The following TTC1 variants were observed in gnomAD, a reference collection of about 807,000 sequenced individuals.
The protein encoded by TTC1 is tetratricopeptide repeat protein 1.
TTC1 carries 31 observed loss-of-function variants against 37.6 expected under a neutral mutation model. The ratio of observed to expected loss-of-function variants is 0.82; its 90% CI spans 0.62 to 1.11. TTC1 has a LOEUF of 1.11. Ranked by LOEUF, TTC1 falls within the 50% of genes most tolerant of loss-of-function variation. TTC1 has a pLI of 0.00. For missense variants in TTC1, 351 were observed against 339.0 expected, an observed-to-expected ratio of 1.04 and a Z score of -0.28; for synonymous variants, 127 against 122.4, an observed-to-expected ratio of 1.04 and a Z score of -0.25.
Position 160,057,405 on chromosome 5 carries a change from T to TA in TTC1, c.745+6234dup, listed in dbSNP as rs879376544. 1.9e-3 allele frequency among the ~76,000 whole-genome samples: 278 copies of TA among 144,826 alleles called. 3 individuals carry two copies. The highest frequency in any genetic ancestry group is 0.018 in the Middle Eastern group (5 of 274). Reference sequence around the variant, plus strand: ...ACTAAGTATGCAACAGCACTGTGTCTAAAAAAAAAAAATGTACATACCTTA... The same window carrying TA: ...ACTAAGTATGCAACAGCACTGTGTCTAAAAAAAAAAAAATGTACATACCTTA... On this transcript the variant is annotated intron_variant, in intron 7 of 7. Transcript: ENST00000231238. The surrounding 1 kb of genome is among the most constrained non-coding windows in gnomAD (Gnocchi z 4.4).
intron 2 of TTC1, among the ~76,000 whole-genome samples, chr5:160,018,853 C>G (rs987995700): frequency 1.3e-5 from 2 of 152,128 alleles, no homozygotes; most frequent in Non-Finnish European, 2.9e-5. Context: ...AACTGTGGAT[C>G]TGAAGAGAAG....
chr5:160,037,819 T>G (rs187096190), intron 4 of TTC1, among the ~76,000 whole-genome samples: 1 of 151,292 alleles, frequency 6.6e-6, no homozygotes, highest in Non-Finnish European at 1.5e-5. Context: ...TTTTAAACTA[T>G]GGCTACTTAC....
rs1753566225 is a variant in TTC1, at chr5:160,065,106, T to C, written c.*41T>C. On this transcript the variant is annotated 3_prime_UTR_variant, in exon 8 of 8. Coordinates refer to ENST00000231238, the MANE Select transcript of TTC1 (RefSeq NM_003314.3). ...CTTTACAAGCTGACTTGGAATTGTG[T>C]GCTGCTTGCTGTTAGCTAGGGGAAA... The C allele has an allele frequency of 6.3e-7, 1 of 1,594,414 alleles. No homozygotes were observed. Among genetic ancestry groups the C allele is most frequent in the Non-Finnish European group, 8.5e-7 (1 of 1,174,256 alleles).
Position 160,035,111 on chromosome 5 carries a change from A to G in TTC1, c.331-29A>G, listed in dbSNP as rs763351303. The G allele has an allele frequency of 1.1e-4, 175 of 1,571,504 alleles. 1 individual carries two copies. In the Admixed American group the frequency reaches 3.3e-3, roughly 30 times the overall value. On this transcript the variant is annotated intron_variant, in intron 2 of 7. Transcript: ENST00000231238. ...TGTTCACTTATAATAATATTGTGAG[A>G]AATTATGTAATTCTCTGATGTCTTT... is the stretch of plus-strand genomic sequence containing the variant.
chr5:160,010,651 C>G lies in TTC1; in HGVS notation c.123C>G (p.Ser41=), dbSNP rs370867147. Reference sequence around the variant, plus strand: ...TTCCTGATCCCAAAAATCAGCATTCCCAGAGTAAGCTGCTCAGGGATGATG... The same window carrying G: ...TTCCTGATCCCAAAAATCAGCATTCGCAGAGTAAGCTGCTCAGGGATGATG... The part of the protein sequence containing the change: ...PPVPDPKNQH[S]QSKLLRDDEA... The change falls in exon 2 of 8, where the codon TCC becomes TCG. Residue 41 remains serine, a synonymous_variant. Transcript: ENST00000231238. The G allele has an allele frequency of 5.6e-6, 9 of 1,613,732 alleles. No homozygotes were observed. Among genetic ancestry groups the G allele is most frequent in the Non-Finnish European group, 7.6e-6 (9 of 1,179,902 alleles).
At chr5:160,032,804 C>G (rs545993362) in intron 2 of TTC1, among the ~76,000 whole-genome samples, 159 of 149,616 alleles carry the variant, frequency 1.1e-3, no homozygotes, top group African/African-American at 3.8e-3. Context: ...GCCTCCGCCT[C>G]CCAGGTTCGA....
At chr5:160,029,398 T>C (rs958705086) in intron 2 of TTC1, among the ~76,000 whole-genome samples, 1 of 150,978 alleles carries the variant, frequency 6.6e-6, no homozygotes, top group African/African-American at 2.4e-5. Context: ...TCTCAGCACC[T>C]TGGGAGGCTC....
chr5:160,036,827 T>C (rs1757006796), intron 4 of TTC1, 24 bp downstream of exon 4: 2 of 1,539,002 alleles, frequency 1.3e-6, no homozygotes, highest in Non-Finnish European at 1.8e-6. Context: ...ACCTTTTCTT[T>C]TTAAAAAGCA....
At chr5:160,036,308 G>A (rs1331655807) in intron 3 of TTC1, among the ~76,000 whole-genome samples, 3 of 152,102 alleles carry the variant, frequency 2.0e-5, no homozygotes, top group Non-Finnish European at 2.9e-5. Flanking sequence ...CTCAGGCCAT[G>A]GATCCCAGAG....
intron 2 of TTC1, among the ~76,000 whole-genome samples, chr5:160,025,450 C>T (rs1756785099): frequency 6.6e-6 from 1 of 152,246 alleles, no homozygotes; most frequent in Admixed American, 6.5e-5. Context: ...GTATGGGCTA[C>T]CACACCAAGT....
chr5:160,023,738 T>C, intron 2 of TTC1: 3 of 1,611,224 alleles, frequency 1.9e-6, no homozygotes, highest in East Asian at 4.5e-5. Flanking sequence ...GTGCTTCTTC[T>C]TGTGCTTCTT....
At chr5:160,045,520 A>ACACACACTCT (rs1202139318) in intron 5 of TTC1, among the ~76,000 whole-genome samples, 9 of 54,904 alleles carry the variant, frequency 1.6e-4, no homozygotes, top group Non-Finnish European at 2.3e-4. Flanking sequence ...ACACATACAC[A>ACACACACTCT]CTCTCTCTCT....
intron 2 of TTC1, among the ~76,000 whole-genome samples, chr5:160,028,833 A>G (rs371915381): frequency 2.1e-4 from 32 of 152,260 alleles, no homozygotes; most frequent in African/African-American, 7.7e-4. Flanking sequence ...ACTTCACCAC[A>G]TCAGAAATTC....
At chr5:160,027,088 G>A (rs1371427975) in intron 2 of TTC1, among the ~76,000 whole-genome samples, 3 of 151,508 alleles carry the variant, frequency 2.0e-5, no homozygotes, top group Non-Finnish European at 2.9e-5. Flanking sequence ...GAGTACAGGG[G>A]TGCAATCATG....
chr5:160,022,007 A>C (rs1756718981), intron 2 of TTC1, among the ~76,000 whole-genome samples: 1 of 152,176 alleles, frequency 6.6e-6, no homozygotes, highest in South Asian at 2.1e-4. Context: ...CAATTACTTC[A>C]CAAAACTGCA....
At position 160,065,447 on chromosome 5, in the gene TTC1, G is replaced by A. The variant is rs1264328588; in HGVS notation, c.*382G>A. The A allele has an allele frequency of 6.5e-6, 3 of 461,646 alleles. No individual in the cohort carries two copies. Among genetic ancestry groups the A allele is most frequent in the Non-Finnish European group, 1.3e-5 (3 of 231,582 alleles). The allele number at this position is 461,646 out of a possible 1,614,324, so 28.6% of individuals were successfully genotyped here. ...ACTGCCCAGACATGATTGATGACGG[G>A]TTCCCGCCTGCTGTCCCCTCCCTGA... On this transcript the variant is annotated 3_prime_UTR_variant, in exon 8 of 8. Transcript: ENST00000231238.
At position 160,045,530 on chromosome 5, in the gene TTC1, T is replaced by A. The variant is rs1445896451; in HGVS notation, c.541+2361T>A. Reference sequence around the variant, plus strand: ...CACACACACATACACACTCTCTCTCTCTCTCTCTCTCTCTCTCTCTCTCCC... The same window carrying A: ...CACACACACATACACACTCTCTCTCACTCTCTCTCTCTCTCTCTCTCTCCC... On this transcript the variant is annotated intron_variant, in intron 5 of 7. Transcript: ENST00000231238. 8.2e-4 allele frequency among the ~76,000 whole-genome samples: 110 copies of A among 133,978 alleles called. 1 individual carries two copies. The highest frequency in any genetic ancestry group is 2.8e-3 in the African/African-American group (92 of 33,368). 87.9% of individuals were successfully genotyped at this position (133,978 alleles called of 152,430 possible). A position where few individuals can be genotyped will look rare whatever the true frequency, so the allele number is the denominator to read the frequency against.
chr5:160,055,704 G>A (rs1581122867), intron 7 of TTC1, among the ~76,000 whole-genome samples: 3 of 152,216 alleles, frequency 2.0e-5, no homozygotes, highest in Admixed American at 2.0e-4. Context: ...GTTGAGAGAC[G>A]GAGTATAGAG....
intron 3 of TTC1, among the ~76,000 whole-genome samples, chr5:160,035,542 C>T (rs1756986494): frequency 2.0e-5 from 3 of 152,222 alleles, no homozygotes; most frequent in Admixed American, 2.0e-4. Context: ...GCAGAGTCGC[C>T]GCTCCTCACT....
Sources: allele counts gnomAD v4.1 joint callset (sites outside exome capture counted in the v4.1 genomes callset), GRCh38; gene constraint gnomAD v4.1.1; non-coding constraint Gnocchi (gnomAD v3.1); transcripts MANE v1.5; gene names NCBI Gene and HGNC (gene_info 2026-07-23, HGNC 2026-07-21).